Variants in ARSB observed in about 807,000 individuals in gnomAD.
ARSB encodes arylsulfatase B, also known as N-acetylgalactosamine-4-sulfatase.
A neutral mutation model predicts 50.9 loss-of-function variants in ARSB; 41 were observed. That is an observed-to-expected ratio of 0.81 (90% CI 0.63 to 1.04). The LOEUF (loss-of-function observed/expected upper bound fraction) is 1.04, where lower values mean the gene tolerates loss of function less well. ARSB is among the 50% of genes least tolerant of loss of function. The pLI is 0.00. For synonymous variants in ARSB, 269 were observed against 284.8 expected (o/e 0.94, Z 0.56); for missense variants, 672 against 693.3 (o/e 0.97, Z 0.35).
At chr5:78,985,420 C>A (rs1484581392), upstream of ARSB, 1 of 541,422 alleles carries the variant, frequency 1.8e-6, no homozygotes, top group African/African-American at 2.0e-5. Flanking sequence ...CGACCCGGGC[C>A]CCCGGCTGCT....
chr5:78,982,534 T>A (rs1752951764), intron 1 of ARSB, among the ~76,000 whole-genome samples: 1 of 152,244 alleles, frequency 6.6e-6, no homozygotes. Context: ...GCATCAACCC[T>A]AGGGCCACGT....
intron 4 of ARSB, among the ~76,000 whole-genome samples, chr5:78,900,384 G>A (rs756351138): frequency 3.6e-4 from 55 of 152,168 alleles, no homozygotes; most frequent in Non-Finnish European, 6.8e-4. Flanking sequence ...GGCAGGGACA[G>A]GACTCCTGCT....
At chr5:78,844,128 A>G (rs1396758777) in intron 5 of ARSB, among the ~76,000 whole-genome samples, 1 of 152,146 alleles carries the variant, frequency 6.6e-6, no homozygotes, top group Non-Finnish European at 1.5e-5. Context: ...CTTGCCGAAC[A>G]ATTTTCCAAA....
chr5:78,944,932 C>T (rs1020035061), intron 4 of ARSB, among the ~76,000 whole-genome samples: 2 of 152,178 alleles, frequency 1.3e-5, no homozygotes. Context: ...CTACCCAGTT[C>T]GAGCTTCCCG....
At chr5:78,890,879 A>T (rs1748261796) in intron 4 of ARSB, among the ~76,000 whole-genome samples, 1 of 152,224 alleles carries the variant, frequency 6.6e-6, no homozygotes, top group African/African-American at 2.4e-5. Context: ...GCCACGGGTT[A>T]AAGATCATAT....
At chr5:78,785,433 G>C (rs1271567940) in intron 6 of ARSB, among the ~76,000 whole-genome samples, 3 of 152,064 alleles carry the variant, frequency 2.0e-5, no homozygotes, top group African/African-American at 7.2e-5. Context: ...TTGTTTGCTT[G>C]TTCTATCAGT....
intron 3 of ARSB, 82 bp from the exon 4 acceptor site, chr5:78,955,584 A>AGGAATGG: frequency 8.8e-7 from 1 of 1,142,162 alleles, no homozygotes; most frequent in Admixed American, 1.8e-5. Flanking sequence ...AGATTTATGC[A>AGGAATGG]TTAATAAAAA....
intron 1 of ARSB, among the ~76,000 whole-genome samples, chr5:78,970,163 A>T (rs1752390753): frequency 6.9e-6 from 1 of 145,110 alleles, no homozygotes; most frequent in African/African-American, 2.4e-5. Flanking sequence ...TATGAAAAGG[A>T]TATTAAAATA....
intron 6 of ARSB, among the ~76,000 whole-genome samples, chr5:78,790,868 A>C (rs2112631182): frequency 6.6e-6 from 1 of 152,320 alleles, no homozygotes; most frequent in East Asian, 1.9e-4. Context: ...GTGGATTTAG[A>C]AAGGGTCTAT....
chr5:78,968,024 A>C (rs1237097286), intron 2 of ARSB, among the ~76,000 whole-genome samples: 2 of 152,224 alleles, frequency 1.3e-5, no homozygotes, highest in East Asian at 3.8e-4. Context: ...ATTTTAAAAC[A>C]AACTCTAGGT....
intron 3 of ARSB, among the ~76,000 whole-genome samples, chr5:78,961,405 C>T (rs937530014): frequency 2.0e-5 from 3 of 152,204 alleles, no homozygotes; most frequent in African/African-American, 7.2e-5. Context: ...ATGCTGGATA[C>T]TGCTATAGCA....
rs1750343177 is a variant in ARSB, at chr5:78,931,910, C to A, written c.898+23385G>T. 2.6e-5 allele frequency among the ~76,000 whole-genome samples: 4 copies of A among 152,008 alleles called. 1 individual carries two copies. In the South Asian group the frequency reaches 6.2e-4, roughly 24 times the overall value. Reference sequence around the variant, plus strand: ...ATGGTTTTATAAAGGGCTCTTCCCCCTTCACTTTCTCTCTCTCTCCTGCCA... The same window carrying A: ...ATGGTTTTATAAAGGGCTCTTCCCCATTCACTTTCTCTCTCTCTCCTGCCA... On this transcript the variant is annotated intron_variant, in intron 4 of 7. Transcript: ENST00000264914.
chr5:78,969,501 G>A (rs1752356148), intron 1 of ARSB, among the ~76,000 whole-genome samples: 1 of 152,216 alleles, frequency 6.6e-6, no homozygotes, highest in Non-Finnish European at 1.5e-5. Context: ...ATAATATGTG[G>A]TGTGAATCTA....
intron 6 of ARSB, among the ~76,000 whole-genome samples, chr5:78,792,287 G>A (rs1314067336): frequency 4.0e-5 from 6 of 151,752 alleles, no homozygotes; most frequent in African/African-American, 1.5e-4. Flanking sequence ...GCTGAGGCAT[G>A]AGAAGCACTT....
intron 5 of ARSB, among the ~76,000 whole-genome samples, chr5:78,877,618 A>G (rs6897315): frequency 0.37 from 56,111 of 151,918 alleles, 11,316 homozygotes; most frequent in Non-Finnish European, 0.45. Flanking sequence ...TGAACTCTTG[A>G]CCTCAGGTGA....
Position 78,985,134 on chromosome 5 carries a change from C to A in ARSB, c.115G>T (p.Ala39Ser), listed in dbSNP as rs1400129818. Residue 39 changes from alanine (A) to serine (S), a missense_variant, in exon 1 of 8, where the codon GCC becomes TCC. Coordinates refer to ENST00000264914, the MANE Select transcript of ARSB (RefSeq NM_000046.5). The part of the protein sequence containing the change: ...LLLLAPPGSG[A>S]GASRPPHLVF... ...AGGTGGGGCGGCCGGCTGGCCCCGG[C>A]GCCCGAGCCCGGCGGCGCCAACAAC... The A allele has an allele frequency of 2.1e-6, 3 of 1,463,206 alleles. No homozygotes were observed. Among genetic ancestry groups the A allele is most frequent in the Non-Finnish European group, 1.8e-6 (2 of 1,106,508 alleles). The allele number at this position is 1,463,206 out of a possible 1,614,324, so 90.6% of individuals were successfully genotyped here.
intron 4 of ARSB, among the ~76,000 whole-genome samples, chr5:78,941,666 C>T (rs1192135949): frequency 6.6e-6 from 1 of 152,144 alleles, no homozygotes. Flanking sequence ...TTTTGATGTG[C>T]TGCTGGATTT....
intron 5 of ARSB, among the ~76,000 whole-genome samples, chr5:78,867,516 C>T (rs1387801789): frequency 1.3e-5 from 2 of 152,304 alleles, no homozygotes; most frequent in Non-Finnish European, 2.9e-5. Flanking sequence ...GACCCCTGAC[C>T]CCCGAGCAGC....
intron 5 of ARSB, among the ~76,000 whole-genome samples, chr5:78,852,040 G>A (rs1443130372): frequency 2.6e-5 from 4 of 152,090 alleles, no homozygotes; most frequent in Admixed American, 2.6e-4. Context: ...TCTTTTAATT[G>A]GAGCATTTAG....
Sources: allele counts gnomAD v4.1 joint callset (sites outside exome capture counted in the v4.1 genomes callset), GRCh38; gene constraint gnomAD v4.1.1; transcripts MANE v1.5; gene names NCBI Gene and HGNC (gene_info 2026-07-23, HGNC 2026-07-21).